The following WDR7 variants were observed in gnomAD, a reference collection of about 807,000 sequenced individuals.
The protein encoded by WDR7 is WD repeat domain 7.
A neutral mutation model predicts 169.4 loss-of-function variants in WDR7; 46 were observed. That is an observed-to-expected ratio of 0.27 (90% CI 0.21 to 0.35). The LOEUF is 0.35. Among genes scored for constraint, WDR7 ranks in the 10% least tolerant of loss-of-function variants. The probability of loss-of-function intolerance (pLI) is 1.00; values close to 1 mark genes in which losing one functional copy is unlikely to be tolerated. For missense variants in WDR7, 1,534 were observed against 1,859.3 expected (o/e 0.83, Z 3.22); for synonymous variants, 612 against 666.8 (o/e 0.92, Z 1.27).
At chr18:56,946,568 G>A (rs1286275020) in intron 25 of WDR7, among the ~76,000 whole-genome samples, 1 of 152,120 alleles carries the variant, frequency 6.6e-6, no homozygotes, top group African/African-American at 2.4e-5. Context: ...GGAAGTTATG[G>A]CTTTTGTCTC....
At chr18:56,798,052 A>G (rs1304802880) in intron 19 of WDR7, among the ~76,000 whole-genome samples, 2 of 152,190 alleles carry the variant, frequency 1.3e-5, no homozygotes, top group South Asian at 2.1e-4. Context: ...AATCTGTTAC[A>G]TGATGATTGG....
chr18:56,692,390 A>G (rs2025591312), intron 9 of WDR7, among the ~76,000 whole-genome samples: 1 of 149,780 alleles, frequency 6.7e-6, no homozygotes, highest in African/African-American at 2.5e-5. Context: ...TTTCAACTCT[A>G]TATTGAGCAG....
At chr18:56,738,236 C>A (rs943688086) in intron 14 of WDR7, among the ~76,000 whole-genome samples, 2 of 152,146 alleles carry the variant, frequency 1.3e-5, no homozygotes, top group Non-Finnish European at 2.9e-5. Flanking sequence ...GATCTTCTAA[C>A]ATGCTTCTTA....
At chr18:56,802,913 T>G (rs1204847994) in intron 19 of WDR7, among the ~76,000 whole-genome samples, 2 of 151,798 alleles carry the variant, frequency 1.3e-5, no homozygotes, top group Non-Finnish European at 2.9e-5. Flanking sequence ...TCTCCTGTGT[T>G]TTTTTTTTCG....
intron 25 of WDR7, among the ~76,000 whole-genome samples, chr18:56,951,577 AAT>A (rs1246677849): frequency 6.6e-6 from 1 of 152,194 alleles, no homozygotes; most frequent in Non-Finnish European, 1.5e-5. Context: ...AAAGATACAG[AAT>A]ATATATAATT....
At chr18:56,976,103 G>A (rs1054270777) in intron 26 of WDR7, among the ~76,000 whole-genome samples, 2 of 152,176 alleles carry the variant, frequency 1.3e-5, no homozygotes, top group Admixed American at 1.3e-4. Context: ...TTTGCTCCTG[G>A]AGGCTTTGGA....
At chr18:56,949,128 G>GTCTCTCTCTCTCTC (rs10537966) in intron 25 of WDR7, among the ~76,000 whole-genome samples, 3 of 143,442 alleles carry the variant, frequency 2.1e-5, no homozygotes, top group African/African-American at 5.5e-5. Context: ...GTTTTCTAAA[G>GTCTCTCTCTCTCTC]TCTCTCTCTC....
At chr18:56,773,805 G>A (rs961088854) in intron 16 of WDR7, among the ~76,000 whole-genome samples, 1 of 152,092 alleles carries the variant, frequency 6.6e-6, no homozygotes, top group African/African-American at 2.4e-5. Flanking sequence ...ACTAGATGCA[G>A]ACTCAGTGCC....
intron 20 of WDR7, among the ~76,000 whole-genome samples, chr18:56,826,509 G>A (rs527257373): frequency 6.6e-6 from 1 of 152,280 alleles, no homozygotes; most frequent in Middle Eastern, 3.4e-3. Context: ...ACTTGCAAGT[G>A]TAAAAGCTTT....
At chr18:56,768,752 A>G (rs1599029118) in intron 16 of WDR7, among the ~76,000 whole-genome samples, 1 of 152,238 alleles carries the variant, frequency 6.6e-6, no homozygotes, top group Middle Eastern at 3.4e-3. Flanking sequence ...ATTGACTTAC[A>G]ATGTCTTTTT....
intron 20 of WDR7, among the ~76,000 whole-genome samples, chr18:56,821,906 G>A (rs2045105231): frequency 6.6e-6 from 1 of 152,080 alleles, no homozygotes; most frequent in African/African-American, 2.4e-5. Flanking sequence ...GGCTGAGCTG[G>A]GAGGATCACT....
intron 26 of WDR7, among the ~76,000 whole-genome samples, chr18:56,964,209 CAAAAA>C (rs370790953): frequency 2.9e-3 from 201 of 68,734 alleles, no homozygotes; most frequent in African/African-American, 8.6e-3. Flanking sequence ...TGGTAACATG[CAAAAA>C]AAAAAAAAAA....
Position 56,679,314 on chromosome 18 carries a change from A to G in WDR7, c.160-18A>G, listed in dbSNP as rs1212517790. 1.3e-6 allele frequency: 2 copies of G among 1,592,846 alleles called. No homozygotes were observed. Among genetic ancestry groups the G allele is most frequent in the Admixed American group, 1.7e-5 (1 of 59,724 alleles). On this transcript the variant is annotated intron_variant, in intron 2 of 27. Transcript: ENST00000254442. ...TTTTAAGTTTGGTACTTAAACTAGC[A>G]TATTTTTGCATTTCTAGATTAATCC...
chr18:56,769,885 A>G (rs117309369), intron 16 of WDR7, among the ~76,000 whole-genome samples: 1,968 of 152,274 alleles, frequency 0.013, 21 homozygotes, highest in East Asian at 0.033. Context: ...GTATCTGAGA[A>G]TCCCTTAAAA....
At chr18:56,912,736 C>T (rs1374139350) in intron 21 of WDR7, among the ~76,000 whole-genome samples, 2 of 152,248 alleles carry the variant, frequency 1.3e-5, no homozygotes, top group East Asian at 1.9e-4. Flanking sequence ...CTGCTTTTCA[C>T]CCACCTCATT....
intron 14 of WDR7, among the ~76,000 whole-genome samples, chr18:56,740,537 C>G (rs949561448): frequency 2.0e-5 from 3 of 152,150 alleles, no homozygotes; most frequent in African/African-American, 7.2e-5. Flanking sequence ...CTCACCCTTT[C>G]TCTGCTGTTC....
chr18:56,671,696 C>T (rs12968715), intron 1 of WDR7, among the ~76,000 whole-genome samples: 4,822 of 152,254 alleles, frequency 0.032, 260 homozygotes, highest in East Asian at 0.24. Flanking sequence ...TGAGAAAGAC[C>T]ACAGGTTCTG....
At chr18:56,881,683 T>G (rs1023554658) in intron 21 of WDR7, among the ~76,000 whole-genome samples, 78 of 152,282 alleles carry the variant, frequency 5.1e-4, no homozygotes, top group African/African-American at 1.7e-3. Context: ...TGATCTTGGT[T>G]CACTGCAACC....
intron 19 of WDR7, among the ~76,000 whole-genome samples, chr18:56,797,186 G>A (rs1346899385): frequency 6.6e-6 from 1 of 152,198 alleles, no homozygotes; most frequent in Admixed American, 6.5e-5. Flanking sequence ...TTGGCAAGTA[G>A]TGTTAGCTCT....
Sources: gnomAD v4.1 joint callset for allele counts (sites outside exome capture counted in the v4.1 genomes callset) on GRCh38, gnomAD v4.1.1 for gene constraint, MANE v1.5 for transcripts, NCBI Gene and HGNC (gene_info 2026-07-23, HGNC 2026-07-21) for gene names.